A4GALT: variants seen among roughly 807,000 people sequenced by gnomAD.
A4GALT encodes the protein alpha 1,4-galactosyltransferase (P1PK blood group), also known as lactosylceramide 4-alpha-galactosyltransferase.
For synonymous variants in A4GALT, 257 were observed against 220.7 expected (o/e 1.16, Z -1.46); for missense variants, 512 against 486.0 (o/e 1.05, Z -0.50).
intron 1 of A4GALT, among the ~76,000 whole-genome samples, chr22:42,709,067 A>ATATATATATATATATATT (rs1180529043): frequency 7.8e-6 from 1 of 128,806 alleles, no homozygotes; most frequent in Non-Finnish European, 1.7e-5. Flanking sequence ...ATATATATAT[A>ATATATATATATATATATT]TTTTTTTTAA....
intron 1 of A4GALT, among the ~76,000 whole-genome samples, chr22:42,718,033 T>A (rs1922345936): frequency 6.6e-6 from 1 of 152,170 alleles, no homozygotes; most frequent in African/African-American, 2.4e-5. Flanking sequence ...CCAGGAAAGA[T>A]GTGGCCATGT....
chr22:42,716,567 G>A (rs575676739), intron 1 of A4GALT, among the ~76,000 whole-genome samples: 4 of 152,302 alleles, frequency 2.6e-5, no homozygotes, highest in African/African-American at 9.6e-5. Context: ...CTGCTGGGCA[G>A]CGGCAGAGCG....
intron 1 of A4GALT, among the ~76,000 whole-genome samples, chr22:42,708,595 G>GGAAGGAAGGAAAAT: frequency 4.5e-5 from 3 of 66,240 alleles, no homozygotes; most frequent in African/African-American, 1.7e-4. Context: ...GGAAGGAAAA[G>GGAAGGAAGGAAAAT]AAATCAATTA....
chr22:42,696,121 C>CAAAAAAAAAAAAAAAA lies in A4GALT; in HGVS notation c.-187-506_-187-491dup, dbSNP rs1296048741. 5.0e-4 allele frequency among the ~76,000 whole-genome samples: 27 copies of CAAAAAAAAAAAAAAAA among 53,904 alleles called. 4 individuals are homozygous for CAAAAAAAAAAAAAAAA. The East Asian group carries it at 7.4e-3, about 15-fold the overall frequency. 35.4% of individuals were successfully genotyped at this position (53,904 alleles called of 152,430 possible). On this transcript the variant is annotated intron_variant, in intron 1 of 2. Coordinates refer to ENST00000642412, the MANE Select transcript of A4GALT (RefSeq NM_017436.7). ...TGGGTGACAGAGCCAGACTCTATCTCAAAAAAAAAAAAAAAAAAGCCAGGC... is the reference window on the plus strand; with the variant it reads ...TGGGTGACAGAGCCAGACTCTATCTCAAAAAAAAAAAAAAAAAAAAAAAAAAAAAAAAAAGCCAGGC...
Position 42,714,664 on chromosome 22 carries a change from C to T in A4GALT, c.-188+6133G>A, listed in dbSNP as rs891096493. On this transcript the variant is annotated intron_variant, in intron 1 of 2. Coordinates refer to ENST00000642412, the MANE Select transcript of A4GALT (RefSeq NM_017436.7). ...GGTGGCTGGCACCTGTAATCCTAGCCACTCGGGAGGCTGAGAATCGCTTGA... is the reference window on the plus strand; with the variant it reads ...GGTGGCTGGCACCTGTAATCCTAGCTACTCGGGAGGCTGAGAATCGCTTGA... Among the ~76,000 whole-genome samples, 3 of 151,838 alleles carry T rather than the reference C, an allele frequency of 2.0e-5. No homozygotes were observed. In the East Asian group the frequency reaches 5.8e-4, roughly 29 times the overall value.
In A4GALT at chr22:42,719,875, G is replaced by A. The variant is rs547329634; in HGVS notation, c.-188+922C>T. 4.3e-3 allele frequency among the ~76,000 whole-genome samples: 651 copies of A among 152,300 alleles called. 4 individuals carry two copies. The highest frequency in any genetic ancestry group is 6.2e-3 in the Non-Finnish European group (425 of 68,020). On this transcript the variant is annotated intron_variant, in intron 1 of 2. Transcript: ENST00000642412. ...GGAACAATCACTCGACGTTGGCGGAGGGGAGGAAGCCGCAGAGAGGGTGTC... is the reference window on the plus strand; with the variant it reads ...GGAACAATCACTCGACGTTGGCGGAAGGGAGGAAGCCGCAGAGAGGGTGTC...
intron 1 of A4GALT, among the ~76,000 whole-genome samples, chr22:42,705,376 G>A (rs888290844): frequency 4.0e-4 from 61 of 152,206 alleles, no homozygotes; most frequent in African/African-American, 1.4e-3. Flanking sequence ...CGAGGTGGGT[G>A]GATCACTTGA....
At position 42,696,876 on chromosome 22, in the gene A4GALT, C is replaced by G. The variant is rs534972526; in HGVS notation, c.-187-1245G>C. Among the ~76,000 whole-genome samples the G allele has an allele frequency of 2.2e-4, 33 of 151,410 alleles. 1 individual carries two copies. In the South Asian group the frequency reaches 6.9e-3, roughly 32 times the overall value. On this transcript the variant is annotated intron_variant, in intron 1 of 2. Transcript: ENST00000642412. Reference sequence around the variant, plus strand: ...TGCTAGGGCCTTGGCACCTGCTGTTCTTCTGCTTGGAGGGTTCTTCTCTCA... The same window carrying G: ...TGCTAGGGCCTTGGCACCTGCTGTTGTTCTGCTTGGAGGGTTCTTCTCTCA...
chr22:42,700,083 C>A (rs186580419), intron 1 of A4GALT, among the ~76,000 whole-genome samples: 1 of 152,334 alleles, frequency 6.6e-6, no homozygotes, highest in Admixed American at 6.5e-5. Context: ...TGGGCTGCTC[C>A]CGAGGTAGGG....
intron 1 of A4GALT, among the ~76,000 whole-genome samples, chr22:42,709,813 T>C (rs79117893): frequency 2.0e-5 from 3 of 151,926 alleles, no homozygotes; most frequent in African/African-American, 7.2e-5. Context: ...AATAAAAAAA[T>C]GGGGGTGATT....
At chr22:42,699,948 C>T (rs931104069) in intron 1 of A4GALT, among the ~76,000 whole-genome samples, 2 of 152,208 alleles carry the variant, frequency 1.3e-5, no homozygotes, top group African/African-American at 4.8e-5. Flanking sequence ...CGTTCTCCTG[C>T]CTCACTGCTG....
At chr22:42,708,410 G>C (rs575421460) in intron 1 of A4GALT, among the ~76,000 whole-genome samples, 50 of 151,800 alleles carry the variant, frequency 3.3e-4, no homozygotes, top group African/African-American at 1.2e-3. Flanking sequence ...AGGTGTGGTG[G>C]TGTGTACCTG....
chr22:42,698,841 C>T (rs1323789415), intron 1 of A4GALT, among the ~76,000 whole-genome samples: 1 of 152,074 alleles, frequency 6.6e-6, no homozygotes, highest in African/African-American at 2.4e-5. Flanking sequence ...GTAGAGAAGC[C>T]GGCCAAAACC....
intron 1 of A4GALT, among the ~76,000 whole-genome samples, chr22:42,716,655 G>A (rs28992182): frequency 6.6e-6 from 1 of 152,092 alleles, no homozygotes; most frequent in Admixed American, 6.6e-5. Context: ...GCTGCACCAG[G>A]GCTAGGGGCT....
chr22:42,692,995 C>T lies in A4GALT; in HGVS notation c.957G>A (p.Lys319=), dbSNP rs566302617. 6.2e-7 allele frequency: 1 copy of T among 1,613,652 alleles called. No homozygotes were observed. Among genetic ancestry groups the T allele is most frequent in the Non-Finnish European group, 8.5e-7 (1 of 1,179,988 alleles). ...SATYAVHVWN[K]KSQGTRFEAT... ...CCTCGAACCGCGTGCCCTGGCTCTT[C>T]TTGTTCCACACGTGGACAGCATAGG... The change falls in exon 3 of 3, where the codon AAG becomes AAA. Residue 319 remains lysine (K), a synonymous_variant. Transcript: ENST00000642412. The surrounding 1 kb of genome is among the most constrained non-coding windows in gnomAD (Gnocchi z 4.6).
chr22:42,692,267 G>T lies in A4GALT; in HGVS notation c.*623C>A. The T allele has an allele frequency of 4.4e-6, 1 of 225,222 alleles. No individual in the cohort carries two copies. The highest frequency in any genetic ancestry group is 8.9e-6 in the Non-Finnish European group (1 of 111,924). 14.0% of individuals were successfully genotyped at this position (225,222 alleles called of 1,614,324 possible). On this transcript the variant is annotated 3_prime_UTR_variant, in exon 3 of 3. Coordinates refer to ENST00000642412, the MANE Select transcript of A4GALT (RefSeq NM_017436.7). This position sits in a 1 kb window ranked among gnomAD's most constrained non-coding sequence, Gnocchi z 4.6. ...CTGAGGGAAGGGGCAGAGCATACAC[G>T]CCCCCCTGGCATCTCTGGAGAGGAA...
At chr22:42,712,446 G>A (rs924689262) in intron 1 of A4GALT, among the ~76,000 whole-genome samples, 13 of 152,334 alleles carry the variant, frequency 8.5e-5, no homozygotes, top group African/African-American at 3.1e-4. Context: ...GATGCAAATC[G>A]CAGGGAAAGC....
At chr22:42,705,364 C>T (rs1171419255) in intron 1 of A4GALT, among the ~76,000 whole-genome samples, 1 of 151,826 alleles carries the variant, frequency 6.6e-6, no homozygotes, top group African/African-American at 2.4e-5. Context: ...ACTTTGGGGG[C>T]CCGAGGTGGG....
At chr22:42,711,375 C>A (rs536572659) in intron 1 of A4GALT, among the ~76,000 whole-genome samples, 6 of 152,188 alleles carry the variant, frequency 3.9e-5, no homozygotes, top group African/African-American at 7.2e-5. Context: ...AGTGCTCAGC[C>A]GCAATTTAAC....
Sources: gnomAD v4.1 joint callset for allele counts (sites outside exome capture counted in the v4.1 genomes callset) on GRCh38, gnomAD v4.1.1 for gene constraint, Gnocchi (gnomAD v3.1) non-coding constraint, MANE v1.5 for transcripts, NCBI Gene and HGNC (gene_info 2026-07-23, HGNC 2026-07-21) for gene names.